Variants in KRT18 observed in about 807,000 individuals in gnomAD.
KRT18 encodes keratin, type I cytoskeletal 18.
Under a neutral mutation model 39.9 loss-of-function variants are expected in KRT18, and 8 were observed. The ratio of observed to expected loss-of-function variants is 0.20; its 90% CI spans 0.12 to 0.36. The LOEUF (loss-of-function observed/expected upper bound fraction) is 0.36. Among genes scored for constraint, KRT18 ranks in the 10% least tolerant of loss-of-function variants. The pLI, the probability that KRT18 is intolerant of heterozygous loss-of-function variation, is 1.00. For missense variants in KRT18, 396 were observed against 565.7 expected, an observed-to-expected ratio of 0.70 and a Z score of 3.04; for synonymous variants, 194 against 227.8, an observed-to-expected ratio of 0.85 and a Z score of 1.33.
rs199930351 is a variant in KRT18 at position 52,951,833 on chromosome 12, G to A, written c.925G>A (p.Asp309Asn). 2.5e-5 allele frequency: 40 copies of A among 1,607,400 alleles called. No individual in the cohort carries two copies. The highest frequency in any genetic ancestry group is 3.3e-4 in the Middle Eastern group (2 of 6,082). ...ACGTACAGTCCAGTCCTTGGAGATC[G>A]ACCTGGACTCCATGAGAAATCTGGT... Reference protein sequence around the residue: ...LRRTVQSLEIDLDSMRNLKAS... With the variant: ...LRRTVQSLEINLDSMRNLKAS... Residue 309 changes from aspartate (D) to asparagine (N), a missense_variant, in exon 5 of 7, where the codon GAC becomes AAC. By Grantham distance (23) the Asp-to-Asn change is conservative. Coordinates refer to ENST00000388835, the MANE Select transcript of KRT18 (RefSeq NM_000224.3).
rs975047937 is a variant in KRT18, at chr12:52,950,250, A to G, written c.418-78A>G. 2.9e-5 allele frequency: 30 copies of G among 1,032,002 alleles called. No homozygotes were observed. In the Admixed American group the frequency reaches 4.6e-4, roughly 16 times the overall value. 63.9% of individuals were successfully genotyped at this position (1,032,002 alleles called of 1,614,324 possible). A position where few individuals can be genotyped will look rare whatever the true frequency, so the allele number is the denominator to read the frequency against. On this transcript the variant is annotated intron_variant, in intron 1 of 6. Coordinates refer to ENST00000388835, the MANE Select transcript of KRT18 (RefSeq NM_000224.3). ...GACCAGGAAGTTTTCACTAGGATACATAACACTTTTTACACACTCACCCCA... is the reference window on the plus strand; with the variant it reads ...GACCAGGAAGTTTTCACTAGGATACGTAACACTTTTTACACACTCACCCCA...
At position 52,952,727 on chromosome 12, in the gene KRT18, G is replaced by C; in HGVS notation, c.1178G>C (p.Gly393Ala). The change falls in exon 7 of 7, where the codon GGT (glycine) becomes GCT (alanine). Residue 393 changes from glycine (G) to alanine (A), a missense_variant. Transcript: ENST00000388835. ...LLEDGEDFNL[G>A]DALDSSNSMQ... ...GGCTTGGTCTTCTGTTACAGTCTTG[G>C]TGATGCCTTGGACAGCAGCAACTCC... The C allele has an allele frequency of 6.2e-7, 1 of 1,612,662 alleles. No homozygotes were observed. The highest frequency in any genetic ancestry group is 2.2e-5 in the East Asian group (1 of 44,876).
intron 5 of KRT18, 83 bp from the exon 6 acceptor site, chr12:52,952,036 C>A: frequency 7.5e-7 from 1 of 1,331,164 alleles, no homozygotes; most frequent in Non-Finnish European, 1.1e-6. Context: ...ATAGCAGGTG[C>A]CCAAAAAAGT....
rs1043887548 is a variant in KRT18 at position 52,949,784 on chromosome 12, C to A, written c.417+194C>A. The A allele has an allele frequency of 1.5e-5, 11 of 713,956 alleles. No individual in the cohort carries two copies. The African/African-American group carries it at 1.6e-4, about 10-fold the overall frequency. The allele number at this position is 713,956 out of a possible 1,614,324, so 44.2% of individuals were successfully genotyped here. ...GCAGCTAGGCATGGGAGGGCTCTTT[C>A]CCAGGAGAGAGGGGGAAGGGGACAG... On this transcript the variant is annotated intron_variant, in intron 1 of 6. Coordinates refer to ENST00000388835, the MANE Select transcript of KRT18 (RefSeq NM_000224.3).
At chr12:52,948,924 C>T (rs920524702), upstream of KRT18, 1 of 435,940 alleles carries the variant, frequency 2.3e-6, no homozygotes, top group Non-Finnish European at 3.9e-6. Flanking sequence ...CGGTTGGCCA[C>T]CCCGTTTCTG....
At chr12:52,951,915 T>C (rs777314645) in intron 5 of KRT18, 59 bp downstream of exon 5, 11 of 1,596,260 alleles carry the variant, frequency 6.9e-6, no homozygotes, top group Non-Finnish European at 8.5e-6. Context: ...GACCCAACCC[T>C]GTCTCAACCC....
intron 6 of KRT18, 173 bp downstream of exon 6, chr12:52,952,515 C>T: frequency 1.3e-6 from 1 of 758,038 alleles, no homozygotes; most frequent in South Asian, 1.5e-5. Context: ...AGAGGTCTCC[C>T]CCTTGAAGAA....
intron 5 of KRT18, 107 bp from the exon 6 acceptor site, chr12:52,952,012 C>T (rs1942498990): frequency 7.7e-7 from 1 of 1,297,434 alleles, no homozygotes. Context: ...ATCCCTTATC[C>T]CAGTACTTGG....
chr12:52,950,593 T>C lies in KRT18; in HGVS notation c.501-157T>C, dbSNP rs1186073889. The C allele has an allele frequency of 3.6e-6, 3 of 844,612 alleles. No homozygotes were observed. In the East Asian group the frequency reaches 7.6e-5, roughly 21 times the overall value. The allele number at this position is 844,612 out of a possible 1,614,324, so 52.3% of individuals were successfully genotyped here. A position where few individuals can be genotyped will look rare whatever the true frequency, so the allele number is the denominator to read the frequency against. ...ATAACCCCGTTTAAGAATACTGTCC[T>C]CCAAGTGCCAAGAATGGTGCTCAGG... On this transcript the variant is annotated intron_variant, in intron 2 of 6. Coordinates refer to ENST00000388835, the MANE Select transcript of KRT18 (RefSeq NM_000224.3).
chr12:52,952,144 G>A lies in KRT18; in HGVS notation c.974G>A (p.Arg325Lys), dbSNP rs554733127. ...AAGGCCAGCTTGGAGAACAGCCTGA[G>A]GGAGGTGGAGGCCCGCTACGCCCTA... ...NLKASLENSL[R>K]EVEARYALQM... Residue 325 changes from arginine (R) to lysine (K), a missense_variant, in exon 6 of 7, where the codon AGG (arginine) becomes AAG (lysine). By Grantham distance (26) the Arg-to-Lys change is conservative. Transcript: ENST00000388835. 6 of 1,566,802 alleles carry A rather than the reference G, an allele frequency of 3.8e-6. No individual in the cohort carries two copies. The East Asian group carries it at 1.2e-4, about 31-fold the overall frequency.
chr12:52,951,581 G>A lies in KRT18; in HGVS notation c.758G>A (p.Arg253Gln), dbSNP rs747804954. 29 of 1,613,988 alleles carry A rather than the reference G, an allele frequency of 1.8e-5. No individual in the cohort carries two copies. Among genetic ancestry groups the A allele is most frequent in the Non-Finnish European group, 2.2e-5 (26 of 1,180,028 alleles). Reference sequence around the variant, plus strand: ...CTCGCCAAGATCATGGCAGACATCCGGGCCCAATATGACGAGCTGGCTCGG... The same window carrying A: ...CTCGCCAAGATCATGGCAGACATCCAGGCCCAATATGACGAGCTGGCTCGG... Reference protein sequence around the residue: ...QDLAKIMADIRAQYDELARKN... With the variant: ...QDLAKIMADIQAQYDELARKN... The change falls in exon 4 of 7, where the codon CGG becomes CAG. Residue 253 changes from arginine (R) to glutamine (Q), a missense_variant. Transcript: ENST00000388835.
At position 52,949,470 on chromosome 12, in the gene KRT18, G is replaced by A. The variant is rs760985349; in HGVS notation, c.297G>A (p.Arg99=). 1.2e-6 allele frequency: 2 copies of A among 1,613,348 alleles called. No homozygotes were observed. Among genetic ancestry groups the A allele is most frequent in the East Asian group, 4.5e-5 (2 of 44,898 alleles). The change falls in exon 1 of 7, where the codon AGG becomes AGA. Residue 99 remains arginine, a synonymous_variant. Coordinates refer to ENST00000388835, the MANE Select transcript of KRT18 (RefSeq NM_000224.3). The part of the protein sequence containing the change: ...DRLASYLDRV[R]SLETENRRLE... The stretch of plus-strand genomic sequence containing the variant: ...TGGCCTCTTACCTGGACAGAGTGAG[G>A]AGCCTGGAGACCGAGAACCGGAGGC...
Position 52,950,852 on chromosome 12 carries a change from A to G in KRT18, c.603A>G (p.Thr201=). 6.2e-7 allele frequency: 1 copy of G among 1,604,778 alleles called. No individual in the cohort carries two copies. Among genetic ancestry groups the G allele is most frequent in the East Asian group, 2.2e-5 (1 of 44,752 alleles). ...ATATCACACGACTGCAGCTGGAGAC[A>G]GAGATCGAGGCTCTCAAGGAGGAGC... The part of the protein sequence containing the change: ...DTNITRLQLE[T]EIEALKEELL... The change falls in exon 3 of 7, where the codon ACA becomes ACG. Residue 201 remains threonine (T), a synonymous_variant. Coordinates refer to ENST00000388835, the MANE Select transcript of KRT18 (RefSeq NM_000224.3).
Position 52,951,752 on chromosome 12 carries a change from G to A in KRT18, c.844G>A (p.Val282Ile). The A allele has an allele frequency of 6.2e-7, 1 of 1,613,384 alleles. No homozygotes were observed. The highest frequency in any genetic ancestry group is 8.5e-7 in the Non-Finnish European group (1 of 1,180,016). The change falls in exon 5 of 7, where the codon GTC becomes ATC. Residue 282 changes from valine to isoleucine, a missense_variant. Coordinates refer to ENST00000388835, the MANE Select transcript of KRT18 (RefSeq NM_000224.3). ...GCAGATTGAGGAGAGCACCACAGTG[G>A]TCACCACACAGTCTGCTGAGGTTGG... Reference protein sequence around the residue: ...SQQIEESTTVVTTQSAEVGAA... With the variant: ...SQQIEESTTVITTQSAEVGAA...
chr12:52,950,364 C>T lies in KRT18; in HGVS notation c.454C>T (p.Leu152=). 6.2e-7 allele frequency: 1 copy of T among 1,613,706 alleles called. No homozygotes were observed. Among genetic ancestry groups the T allele is most frequent in the Non-Finnish European group, 8.5e-7 (1 of 1,179,626 alleles). The change falls in exon 2 of 7, where the codon CTG becomes TTG. Residue 152 remains leucine (L), a synonymous_variant. Transcript: ENST00000388835. ...TACTGTGGACAATGCCCGCATCGTT[C>T]TGCAGATTGACAATGCCCGTCTTGC... is the stretch of plus-strand genomic sequence containing the variant. ...ANTVDNARIV[L]QIDNARLAAD...
Position 52,950,394 on chromosome 12 carries a change from G to A in KRT18, c.484G>A (p.Asp162Asn). Residue 162 changes from aspartate (D) to asparagine (N), a missense_variant, in exon 2 of 7, where the codon GAT (aspartate) becomes AAT (asparagine). Asp to Asn is a conservative substitution (Grantham distance 23). Coordinates refer to ENST00000388835, the MANE Select transcript of KRT18 (RefSeq NM_000224.3). The stretch of plus-strand genomic sequence containing the variant: ...GATTGACAATGCCCGTCTTGCTGCT[G>A]ATGACTTTAGAGTCAAGTAAGTTTG... ...LQIDNARLAA[D>N]DFRVKYETEL... is the part of the protein sequence containing the mutation. The A allele has an allele frequency of 6.2e-7, 1 of 1,612,398 alleles. No homozygotes were observed. The highest frequency in any genetic ancestry group is 8.5e-7 in the Non-Finnish European group (1 of 1,178,552).
rs750200705 is a variant in KRT18 at position 52,949,246 on chromosome 12, G to C, written c.73G>C (p.Gly25Arg). Residue 25 changes from glycine (G) to arginine (R), a missense_variant, in exon 1 of 7, where the codon GGC (glycine) becomes CGC (arginine). By Grantham distance (125) the Gly-to-Arg change is moderately radical. Coordinates refer to ENST00000388835, the MANE Select transcript of KRT18 (RefSeq NM_000224.3). Reference sequence around the variant, plus strand: ...GGGCTCTGTCCAGGCGCCCAGCTACGGCGCCCGGCCGGTCAGCAGCGCGGC... The same window carrying C: ...GGGCTCTGTCCAGGCGCCCAGCTACCGCGCCCGGCCGGTCAGCAGCGCGGC... Reference protein sequence around the residue: ...SLGSVQAPSYGARPVSSAASV... With the variant: ...SLGSVQAPSYRARPVSSAASV... 1.2e-6 allele frequency: 2 copies of C among 1,611,382 alleles called. No individual in the cohort carries two copies. Among genetic ancestry groups the C allele is most frequent in the Non-Finnish European group, 1.7e-6 (2 of 1,179,872 alleles).
upstream of KRT18, chr12:52,949,045 G>A (rs1367379778): frequency 1.2e-5 from 11 of 885,788 alleles, no homozygotes; most frequent in Middle Eastern, 3.5e-4. Flanking sequence ...TGTGGCTCCG[G>A]CTTCCGAAGC....
intron 6 of KRT18, 137 bp from the exon 7 acceptor site, chr12:52,952,585 T>TCC: frequency 9.7e-7 from 1 of 1,034,418 alleles, no homozygotes; most frequent in Non-Finnish European, 1.5e-6. Context: ...GGCCTTGAGT[T>TCC]TCCCTTTTCT....
Sources: gnomAD v4.1 joint callset for allele counts on GRCh38, gnomAD v4.1.1 for gene constraint, MANE v1.5 for transcripts, NCBI Gene and HGNC (gene_info 2026-07-23, HGNC 2026-07-21) for gene names.